The following EEF2K variants were observed in gnomAD, a reference collection of about 807,000 sequenced individuals.
The protein encoded by EEF2K is alternative protein EEF2K.
A neutral mutation model predicts 93.8 loss-of-function variants in EEF2K; 70 were observed. The ratio of observed to expected loss-of-function variants is 0.75; its 90% CI spans 0.62 to 0.91. The LOEUF is 0.91. Among genes scored for constraint, EEF2K ranks in the 40% least tolerant of loss-of-function variants. The pLI is 0.00. For missense variants in EEF2K, 935 were observed against 972.9 expected, an observed-to-expected ratio of 0.96 and a Z score of 0.52; for synonymous variants, 376 against 380.8, an observed-to-expected ratio of 0.99 and a Z score of 0.15.
chr16:22,279,986 A>C (rs1243495832), intron 16 of EEF2K, among the ~76,000 whole-genome samples: 1 of 152,102 alleles, frequency 6.6e-6, no homozygotes, highest in Non-Finnish European at 1.5e-5. Flanking sequence ...ACAGAGCAAG[A>C]CTCTGTCTCA....
At chr16:22,283,047 G>A (rs941660557) in intron 17 of EEF2K, among the ~76,000 whole-genome samples, 2 of 152,052 alleles carry the variant, frequency 1.3e-5, no homozygotes, top group African/African-American at 2.4e-5. Context: ...AGTGGCTCGC[G>A]CCTGTAATCC....
chr16:22,251,268 G>A lies in EEF2K; in HGVS notation c.564G>A (p.Gln188=). 3 of 1,614,156 alleles carry A rather than the reference G, an allele frequency of 1.9e-6. No homozygotes were observed. The East Asian group carries it at 6.7e-5, about 36-fold the overall frequency. The change falls in exon 6 of 18, where the codon CAG becomes CAA. Residue 188 remains glutamine (Q), a synonymous_variant. Coordinates refer to ENST00000263026, the MANE Select transcript of EEF2K (RefSeq NM_013302.5). ...TGTACTTTGAGGACGTGCGTCTACA[G>A]ATGGAGGCCAAGCTCTGGGGGGAGG... is the stretch of plus-strand genomic sequence containing the variant. ...RDVYFEDVRL[Q]MEAKLWGEEY... is the part of the protein sequence containing the mutation.
chr16:22,278,434 TG>T (rs2047661057), intron 16 of EEF2K, among the ~76,000 whole-genome samples: 3 of 151,962 alleles, frequency 2.0e-5, no homozygotes, highest in Non-Finnish European at 4.4e-5. Flanking sequence ...CAGAAAGAGT[TG>T]GAGGAAGAAT....
chr16:22,263,777 C>G (rs2047489801), intron 12 of EEF2K, among the ~76,000 whole-genome samples: 1 of 152,106 alleles, frequency 6.6e-6, no homozygotes, highest in Non-Finnish European at 1.5e-5. Context: ...CAGAGAGGAT[C>G]CTGGGTAATA....
intron 2 of EEF2K, among the ~76,000 whole-genome samples, chr16:22,244,268 A>ATT (rs35010205): frequency 1.3e-4 from 15 of 114,590 alleles, no homozygotes; most frequent in Admixed American, 5.2e-4. Context: ...CTATATATGT[A>ATT]TTGTGTGTGT....
rs754815166 is a variant in EEF2K, at chr16:22,250,660, G to A, written c.415G>A (p.Gly139Ser). ...TCTGTGTGGTGTCTTTCAGCCCTTCGGCCGAGGAGCAATGAGGGAGTGCTT... is the reference window on the plus strand; with the variant it reads ...TCTGTGTGGTGTCTTTCAGCCCTTCAGCCGAGGAGCAATGAGGGAGTGCTT... ...VLIKMASQPFGRGAMRECFRT... is the reference protein window; with the variant it reads ...VLIKMASQPFSRGAMRECFRT... Residue 139 changes from glycine (G) to serine (S), a missense_variant, in exon 5 of 18, where the codon GGC becomes AGC. Coordinates refer to ENST00000263026, the MANE Select transcript of EEF2K (RefSeq NM_013302.5). 1.1e-5 allele frequency: 18 copies of A among 1,614,086 alleles called. No homozygotes were observed. In the African/African-American group the frequency reaches 1.2e-4, roughly 11 times the overall value.
At chr16:22,260,334 G>A in intron 10 of EEF2K, 128 bp from the exon 11 acceptor site, 6 of 829,448 alleles carry the variant, frequency 7.2e-6, no homozygotes, top group Middle Eastern at 2.6e-4. Flanking sequence ...CCTTTTTTGT[G>A]CCTTTCTTTA....
At position 22,266,768 on chromosome 16, in the gene EEF2K, C is replaced by T. The variant is rs2047526878; in HGVS notation, c.1656C>T (p.Val552=). The T allele has an allele frequency of 1.9e-6, 3 of 1,614,246 alleles. No homozygotes were observed. Among genetic ancestry groups the T allele is most frequent in the Non-Finnish European group, 2.5e-6 (3 of 1,180,044 alleles). Residue 552 remains valine (V), a synonymous_variant, in exon 15 of 18, where the codon GTC becomes GTT. Transcript: ENST00000263026. Reference sequence around the variant, plus strand: ...AGGAGTGGGACCAGGAGTCGGCTGTCTTCCACCTGGAGCACGCAGCCAACC... The same window carrying T: ...AGGAGTGGGACCAGGAGTCGGCTGTTTTCCACCTGGAGCACGCAGCCAACC... The part of the protein sequence containing the change: ...KGEEWDQESA[V]FHLEHAANLG...
chr16:22,224,138 C>T (rs1215481331), intron 1 of EEF2K, among the ~76,000 whole-genome samples: 2 of 151,840 alleles, frequency 1.3e-5, no homozygotes, highest in Non-Finnish European at 2.9e-5. Context: ...ACTCGGGAGG[C>T]GGAAGTTGCA....
chr16:22,253,831 G>A (rs2047374155), intron 6 of EEF2K, among the ~76,000 whole-genome samples: 1 of 152,182 alleles, frequency 6.6e-6, no homozygotes, highest in East Asian at 1.9e-4. Flanking sequence ...TGGCACAGTG[G>A]CTCATGCCTG....
intron 2 of EEF2K, among the ~76,000 whole-genome samples, chr16:22,242,741 C>T (rs778539092): frequency 4.6e-5 from 7 of 152,168 alleles, no homozygotes; most frequent in South Asian, 2.1e-4. Context: ...CTGTTCTGCA[C>T]GATGAATTTT....
At chr16:22,260,350 T>C (rs977705008) in intron 10 of EEF2K, 112 bp from the exon 11 acceptor site, 2 of 868,254 alleles carry the variant, frequency 2.3e-6, no homozygotes, top group Non-Finnish European at 3.4e-6. Flanking sequence ...CTTTAAAGCT[T>C]AAAAAAAAAA....
intron 2 of EEF2K, 149 bp from the exon 3 acceptor site, chr16:22,244,481 G>A (rs371990101): frequency 4.4e-6 from 3 of 681,580 alleles, no homozygotes; most frequent in Non-Finnish European, 2.4e-6. Context: ...TGGGGACTGT[G>A]TTCCTGAAAG....
At chr16:22,256,673 G>A (rs1205714335) in intron 6 of EEF2K, 75 bp from the exon 7 acceptor site, 2 of 1,528,456 alleles carry the variant, frequency 1.3e-6, no homozygotes, top group East Asian at 4.8e-5. Flanking sequence ...GAGTTCCTCT[G>A]AGCCCTCCCC....
intron 17 of EEF2K, among the ~76,000 whole-genome samples, 165 bp downstream of exon 17, chr16:22,280,541 G>T (rs112029049): frequency 1.3e-5 from 2 of 152,228 alleles, no homozygotes; most frequent in African/African-American, 4.8e-5. Flanking sequence ...TATTTTAATG[G>T]TTATATATTA....
At chr16:22,258,727 A>C (rs202165153) in intron 10 of EEF2K, 32 bp downstream of exon 10, 2 of 1,613,288 alleles carry the variant, frequency 1.2e-6, no homozygotes, top group African/African-American at 2.7e-5. Flanking sequence ...AGTCACTGTG[A>C]TTGGAGGGGA....
chr16:22,233,405 G>T (rs1388622349), intron 2 of EEF2K, among the ~76,000 whole-genome samples: 1 of 152,050 alleles, frequency 6.6e-6, no homozygotes, highest in Non-Finnish European at 1.5e-5. Flanking sequence ...TCAGCCAGGT[G>T]CACTGGCTCA....
At chr16:22,236,738 G>A (rs1000426348) in intron 2 of EEF2K, among the ~76,000 whole-genome samples, 1 of 150,862 alleles carries the variant, frequency 6.6e-6, no homozygotes, top group African/African-American at 2.4e-5. Flanking sequence ...CTCACTCCTG[G>A]CATACTCGAT....
intron 15 of EEF2K, among the ~76,000 whole-genome samples, chr16:22,272,826 T>C (rs968792474): frequency 1.3e-5 from 2 of 152,118 alleles, no homozygotes; most frequent in Non-Finnish European, 2.9e-5. Flanking sequence ...CACGCCTGGT[T>C]AATTTTTGTA....
Sources: gnomAD v4.1 joint callset for allele counts (sites outside exome capture counted in the v4.1 genomes callset) on GRCh38, gnomAD v4.1.1 for gene constraint, MANE v1.5 for transcripts, NCBI Gene and HGNC (gene_info 2026-07-23, HGNC 2026-07-21) for gene names.